Variants in RNF6 observed in about 807,000 individuals in gnomAD.
RNF6 encodes the protein ring finger protein 6, also known as E3 ubiquitin-protein ligase RNF6.
Under a neutral mutation model 50.1 loss-of-function variants are expected in RNF6, and 21 were observed. That is an observed-to-expected ratio of 0.42 (90% CI 0.30 to 0.60). RNF6 has a LOEUF of 0.60. Ranked by LOEUF, RNF6 falls within the 20% of genes least tolerant of loss-of-function variation. RNF6 has a pLI of 0.20. For missense variants in RNF6, 698 were observed against 838.2 expected (o/e 0.83, Z 2.07); for synonymous variants, 255 against 291.8 (o/e 0.87, Z 1.29).
intron 5 of RNF6, among the ~76,000 whole-genome samples, chr13:26,181,633 T>A (rs1193189280): frequency 6.6e-6 from 1 of 152,180 alleles, no homozygotes; most frequent in Non-Finnish European, 1.5e-5. Flanking sequence ...GGTAGGTATG[T>A]CTCTGTATCT....
chr13:26,158,679 A>T (rs1872060621), intron 5 of RNF6, among the ~76,000 whole-genome samples: 1 of 152,176 alleles, frequency 6.6e-6, no homozygotes, highest in Non-Finnish European at 1.5e-5. Flanking sequence ...ATCCCATTAC[A>T]TAAAATTGTA....
chr13:26,136,020 G>A (rs542429496), intron 5 of RNF6, among the ~76,000 whole-genome samples: 9 of 152,238 alleles, frequency 5.9e-5, no homozygotes, highest in African/African-American at 1.9e-4. Context: ...AGAATCATGA[G>A]CCAAATAAAC....
chr13:26,163,257 A>G (rs978872464), intron 5 of RNF6, among the ~76,000 whole-genome samples: 2 of 151,796 alleles, frequency 1.3e-5, no homozygotes, highest in East Asian at 1.9e-4. Context: ...GCTTGCAGTG[A>G]GTCGAGATCG....
chr13:26,157,973 A>AGAT (rs1872024187), intron 5 of RNF6, among the ~76,000 whole-genome samples: 1 of 151,718 alleles, frequency 6.6e-6, no homozygotes, highest in African/African-American at 2.4e-5. Context: ...ATAGATAGAT[A>AGAT]GATAGATAGA....
At chr13:26,191,297 A>C (rs924554745) in intron 5 of RNF6, among the ~76,000 whole-genome samples, 1 of 152,184 alleles carries the variant, frequency 6.6e-6, no homozygotes, top group African/African-American at 2.4e-5. Context: ...TCATTCATTC[A>C]ACAAATAGTT....
chr13:26,211,134 C>G (rs539373226), downstream of RNF6, among the ~76,000 whole-genome samples: 1 of 152,136 alleles, frequency 6.6e-6, no homozygotes, highest in African/African-American at 2.4e-5. Flanking sequence ...TTGTCATCAG[C>G]CTTGTTTATT....
intron 5 of RNF6, among the ~76,000 whole-genome samples, chr13:26,152,876 C>T (rs1032823116): frequency 2.0e-5 from 3 of 151,986 alleles, no homozygotes; most frequent in East Asian, 1.9e-4. Flanking sequence ...AAGATGTGGC[C>T]GGGCGCGGTG....
At chr13:26,139,009 T>C (rs971754109) in intron 5 of RNF6, among the ~76,000 whole-genome samples, 1 of 152,222 alleles carries the variant, frequency 6.6e-6, no homozygotes, top group Non-Finnish European at 1.5e-5. Context: ...AATACAATTA[T>C]ATTAACCATG....
chr13:26,163,027 G>C (rs911778041), intron 5 of RNF6, among the ~76,000 whole-genome samples: 2 of 152,210 alleles, frequency 1.3e-5, no homozygotes, highest in Non-Finnish European at 2.9e-5. Context: ...TTACCAACTT[G>C]TGGCCGGGCG....
intron 5 of RNF6, among the ~76,000 whole-genome samples, chr13:26,191,382 A>C (rs1459114249): frequency 1.3e-5 from 2 of 152,194 alleles, no homozygotes; most frequent in African/African-American, 4.8e-5. Context: ...TGGAGCCTAC[A>C]TTCTAGTGCA....
At chr13:26,177,653 TC>T (rs1873026698) in intron 5 of RNF6, among the ~76,000 whole-genome samples, 1 of 152,148 alleles carries the variant, frequency 6.6e-6, no homozygotes, top group Non-Finnish European at 1.5e-5. Flanking sequence ...TCACAACCTA[TC>T]CTCTTGTTCT....
At chr13:26,206,027 A>T (rs1170770992) in intron 5 of RNF6, among the ~76,000 whole-genome samples, 2 of 152,184 alleles carry the variant, frequency 1.3e-5, no homozygotes, top group Non-Finnish European at 2.9e-5. Context: ...TTTTAAAAAA[A>T]TCTGAACACA....
chr13:26,162,688 A>G (rs1160952892), intron 5 of RNF6, among the ~76,000 whole-genome samples: 1 of 152,244 alleles, frequency 6.6e-6, no homozygotes, highest in African/African-American at 2.4e-5. Flanking sequence ...AATTTGTCTT[A>G]GAATTCTACT....
intron 5 of RNF6, among the ~76,000 whole-genome samples, chr13:26,174,830 A>G (rs1451142877): frequency 6.6e-6 from 1 of 151,840 alleles, no homozygotes; most frequent in Non-Finnish European, 1.5e-5. Flanking sequence ...CCTCCCCTCC[A>G]CACCGTGCTT....
chr13:26,176,770 C>T (rs1872974895), intron 5 of RNF6, among the ~76,000 whole-genome samples: 2 of 152,108 alleles, frequency 1.3e-5, no homozygotes, highest in Admixed American at 1.3e-4. Flanking sequence ...TGTGAATCTA[C>T]TAAAAATACA....
At position 26,188,623 on chromosome 13, in the gene RNF6, C is replaced by CTTTTTTTTTTTTTT. The variant is rs1163881143; in HGVS notation, n.768+26837_768+26850dup. Among the ~76,000 whole-genome samples, 25 of 43,274 alleles carry CTTTTTTTTTTTTTT rather than the reference C, an allele frequency of 5.8e-4. 6 individuals carry two copies. Among genetic ancestry groups the CTTTTTTTTTTTTTT allele is most frequent in the African/African-American group, 2.2e-3 (20 of 9,168 alleles). The allele number at this position is 43,274 out of a possible 152,430, so 28.4% of individuals were successfully genotyped here. On this transcript the variant is annotated intron_variant and non_coding_transcript_variant, in intron 5 of 5. Transcript: ENST00000468480. Reference sequence around the variant, plus strand: ...GCTTTAGTTGGACAAGTCAAAAGAGCTTTTTTTTTTTTTTTTTTTTTTTTT... The same window carrying CTTTTTTTTTTTTTT: ...GCTTTAGTTGGACAAGTCAAAAGAGCTTTTTTTTTTTTTTTTTTTTTTTTTTTTTTTTTTTTTTT...
intron 5 of RNF6, among the ~76,000 whole-genome samples, chr13:26,172,745 A>G (rs301051): frequency 0.036 from 5,412 of 152,196 alleles, 321 homozygotes; most frequent in African/African-American, 0.12. Context: ...AGGTTTCACT[A>G]TGTTAGCCAG....
chr13:26,196,804 G>A (rs988345235), intron 5 of RNF6, among the ~76,000 whole-genome samples: 20 of 151,856 alleles, frequency 1.3e-4, no homozygotes, highest in Admixed American at 1.2e-3. Flanking sequence ...TGTTAAGTAG[G>A]TAGGTAAATA....
chr13:26,160,531 TTC>T (rs67295740), intron 5 of RNF6, among the ~76,000 whole-genome samples: 77,588 of 100,198 alleles, frequency 0.77, 28,784 homozygotes, highest in East Asian at 0.83. Context: ...GCCTATCTTC[TTC>T]TCTTCTTCTT....
Sources: allele counts gnomAD v4.1 joint callset (sites outside exome capture counted in the v4.1 genomes callset), GRCh38; gene constraint gnomAD v4.1.1; transcripts MANE v1.5; gene names NCBI Gene and HGNC (gene_info 2026-07-23, HGNC 2026-07-21).